Variants in RFLNA observed in about 807,000 individuals in gnomAD.
RFLNA encodes refilin A, also known as refilin-A.
RFLNA carries 5 observed loss-of-function variants against 7.8 expected under a neutral mutation model. The observed-to-expected ratio is 0.64, with a 90% confidence interval of 0.34 to 1.35. The LOEUF (loss-of-function observed/expected upper bound fraction) is 1.35, where lower values mean the gene tolerates loss of function less well. RFLNA is among the 40% of genes most tolerant of loss of function. The pLI, the probability that RFLNA is intolerant of heterozygous loss-of-function variation, is 0.04. For synonymous variants in RFLNA, 141 were observed against 131.3 expected (o/e 1.07, Z -0.50); for missense variants, 278 against 305.5 (o/e 0.91, Z 0.67).
At chr12:124,291,951 A>T (rs7306812), upstream of RFLNA, among the ~76,000 whole-genome samples, 1 of 151,946 alleles carries the variant, frequency 6.6e-6, no homozygotes, top group Non-Finnish European at 1.5e-5. Flanking sequence ...TGTATGGTGC[A>T]TACATATGCA....
upstream of RFLNA, among the ~76,000 whole-genome samples, chr12:124,293,651 G>A (rs1769126469): frequency 6.6e-6 from 1 of 152,108 alleles, no homozygotes. Flanking sequence ...GGGTCTGTTT[G>A]GGCAGCAGAC....
chr12:124,295,781 C>A, intron 1 of RFLNA, 145 bp downstream of exon 1: 3 of 880,392 alleles, frequency 3.4e-6, no homozygotes, highest in Non-Finnish European at 4.5e-6. Flanking sequence ...GTGACAGCCA[C>A]GCTTCTCAGG....
chr12:124,309,060 G>A (rs2034188695), intron 1 of RFLNA, among the ~76,000 whole-genome samples: 1 of 152,224 alleles, frequency 6.6e-6, no homozygotes. Context: ...CTAGAACAGG[G>A]TCCCAGGGCA....
chr12:124,302,522 C>T (rs576478386), intron 1 of RFLNA, among the ~76,000 whole-genome samples: 12 of 152,232 alleles, frequency 7.9e-5, no homozygotes, highest in African/African-American at 2.6e-4. Flanking sequence ...CATAGTGCCA[C>T]GTTGGGGGAG....
chr12:124,298,636 C>A (rs1172503144), intron 1 of RFLNA, among the ~76,000 whole-genome samples: 1 of 152,226 alleles, frequency 6.6e-6, no homozygotes, highest in Non-Finnish European at 1.5e-5. Context: ...ACGGTCCCTG[C>A]CCTCATGAAC....
chr12:124,296,399 C>T (rs1301087773), intron 1 of RFLNA, among the ~76,000 whole-genome samples: 5 of 150,772 alleles, frequency 3.3e-5, no homozygotes, highest in African/African-American at 1.2e-4. Flanking sequence ...AGACTGGGCA[C>T]CCCCCGGCAG....
chr12:124,311,276 A>G, intron 1 of RFLNA, among the ~76,000 whole-genome samples: 1 of 106,686 alleles, frequency 9.4e-6, no homozygotes, highest in East Asian at 2.3e-4. Flanking sequence ...GACATCTGCT[A>G]TTCTGATCAG....
At chr12:124,290,315 T>C (rs2033800247), upstream of RFLNA, among the ~76,000 whole-genome samples, 1 of 152,234 alleles carries the variant, frequency 6.6e-6, no homozygotes, top group African/African-American at 2.4e-5. This position sits in a 1 kb window ranked among gnomAD's most constrained non-coding sequence, Gnocchi z 4.0. Context: ...TATATTTGTG[T>C]GTCCATGTAT....
upstream of RFLNA, among the ~76,000 whole-genome samples, chr12:124,291,822 G>C (rs529035392): frequency 3.9e-5 from 6 of 152,148 alleles, no homozygotes; most frequent in African/African-American, 1.4e-4. Flanking sequence ...GGGAGTGCTT[G>C]GGGAGCCCTG....
rs1356652925 is a variant in RFLNA, at chr12:124,311,938, C to T, written c.317+11C>T. The T allele has an allele frequency of 1.9e-6, 3 of 1,562,546 alleles. No individual in the cohort carries two copies. Among genetic ancestry groups the T allele is most frequent in the Non-Finnish European group, 2.6e-6 (3 of 1,156,620 alleles). On this transcript the variant is annotated intron_variant, in intron 2 of 2. Transcript: ENST00000546355. ...CACGCATGAGATCCGGTGAGTGGGC[C>T]ACTGGGCTCTGCGCGGGAGGAGGGG...
At chr12:124,309,694 C>T (rs1398837541) in intron 1 of RFLNA, among the ~76,000 whole-genome samples, 1 of 152,208 alleles carries the variant, frequency 6.6e-6, no homozygotes, top group Non-Finnish European at 1.5e-5. Flanking sequence ...AGTGGCCTTG[C>T]CAGGCCCCCT....
Position 124,307,160 on chromosome 12 carries a change from G to A in RFLNA, c.208-4658G>A, listed in dbSNP as rs77137579. Among the ~76,000 whole-genome samples, 1,317 of 152,350 alleles carry A rather than the reference G, an allele frequency of 8.6e-3. 16 individuals are homozygous for A. Among genetic ancestry groups the A allele is most frequent in the African/African-American group, 0.028 (1,168 of 41,578 alleles). ...TGGGTAGGGCCAGAGAGCAGGGAGA[G>A]GGCCGCAAACCTAGAAATAAATGCG... On this transcript the variant is annotated intron_variant, in intron 1 of 2. Transcript: ENST00000546355.
At chr12:124,298,275 C>A (rs11057572) in intron 1 of RFLNA, among the ~76,000 whole-genome samples, 23,160 of 152,034 alleles carry the variant, frequency 0.15, 2,226 homozygotes, top group East Asian at 0.28. Flanking sequence ...AACCTGCCTA[C>A]GCTTCACTTC....
chr12:124,289,773 C>G lies in RFLNA; in HGVS notation c.-37+403C>G, dbSNP rs1038080546. Among the ~76,000 whole-genome samples, 1 of 152,166 alleles carries G rather than the reference C, an allele frequency of 6.6e-6. No individual in the cohort carries two copies. Among genetic ancestry groups the G allele is most frequent in the Non-Finnish European group, 1.5e-5 (1 of 68,022 alleles). On this transcript the variant is annotated intron_variant, in intron 1 of 2. Coordinates refer to the RFLNA transcript ENST00000324038. The surrounding 1 kb of genome is among the most constrained non-coding windows in gnomAD (Gnocchi z 5.0). ...ATCTGTGGTACAGCTGGGGACTGAG[C>G]AAGGGCACTGCGGAAAAGTCCCTCG...
intron 1 of RFLNA, chr12:124,311,606 G>A: frequency 2.1e-6 from 1 of 480,936 alleles, no homozygotes; most frequent in Non-Finnish European, 3.6e-6. Context: ...GTGGAGAGCT[G>A]GGCAGATCCC....
chr12:124,314,646 C>T lies in RFLNA; in HGVS notation c.*121C>T, dbSNP rs560986417. On this transcript the variant is annotated 3_prime_UTR_variant, in exon 3 of 3. Coordinates refer to ENST00000546355, the MANE Select transcript of RFLNA (RefSeq NM_001365156.1). Reference sequence around the variant, plus strand: ...GGAGGCGGGAAGGGAGGCTGCCAGACCAAGGACCCGTGTGGAAGGAGGCGG... The same window carrying T: ...GGAGGCGGGAAGGGAGGCTGCCAGATCAAGGACCCGTGTGGAAGGAGGCGG... 6.7e-6 allele frequency: 10 copies of T among 1,486,556 alleles called. No individual in the cohort carries two copies. In the African/African-American group the frequency reaches 1.2e-4, roughly 19 times the overall value. The allele number at this position is 1,486,556 out of a possible 1,614,324, so 92.1% of individuals were successfully genotyped here. A position where few individuals can be genotyped will look rare whatever the true frequency, so the allele number is the denominator to read the frequency against.
intron 1 of RFLNA, among the ~76,000 whole-genome samples, chr12:124,307,983 C>CT (rs35040581): frequency 0.19 from 26,418 of 138,336 alleles, 3,098 homozygotes; most frequent in African/African-American, 0.33. Context: ...TGTGTCCGCT[C>CT]TTTTTTTTTT....
chr12:124,309,226 G>A (rs1047140149), intron 1 of RFLNA, among the ~76,000 whole-genome samples: 3 of 152,130 alleles, frequency 2.0e-5, no homozygotes, highest in Non-Finnish European at 4.4e-5. Context: ...ATCACATCCC[G>A]AGTGGCACTG....
upstream of RFLNA, among the ~76,000 whole-genome samples, chr12:124,294,737 A>G (rs1208368898): frequency 6.6e-6 from 1 of 152,256 alleles, no homozygotes; most frequent in Non-Finnish European, 1.5e-5. Flanking sequence ...GTTACAGAGA[A>G]AAAGAAAACT....
Sources: gnomAD v4.1 joint callset for allele counts (sites outside exome capture counted in the v4.1 genomes callset) on GRCh38, gnomAD v4.1.1 for gene constraint, Gnocchi (gnomAD v3.1) non-coding constraint, MANE v1.5 for transcripts, NCBI Gene and HGNC (gene_info 2026-07-23, HGNC 2026-07-21) for gene names.